ABCB1: variants seen among roughly 807,000 people sequenced by gnomAD.
ABCB1 encodes the protein ATP-dependent translocase ABCB1.
A neutral mutation model predicts 142.0 loss-of-function variants in ABCB1; 69 were observed. The observed-to-expected ratio is 0.49, with a 90% confidence interval of 0.40 to 0.59. The LOEUF is 0.59. ABCB1 is among the 20% of genes least tolerant of loss of function. ABCB1 has a pLI of 0.00. For missense variants in ABCB1, 1,326 were observed against 1,554.7 expected (o/e 0.85, Z 2.47); for synonymous variants, 532 against 539.2 (o/e 0.99, Z 0.18).
intron 25 of ABCB1, among the ~76,000 whole-genome samples, chr7:87,512,947 AC>A (rs1815082348): frequency 6.6e-6 from 1 of 152,214 alleles, no homozygotes; most frequent in South Asian, 2.1e-4. Flanking sequence ...ACATCAAGGG[AC>A]TAGAAGGCTA....
intron 25 of ABCB1, among the ~76,000 whole-genome samples, chr7:87,514,299 C>T (rs1304106916): frequency 6.6e-6 from 1 of 152,160 alleles, no homozygotes; most frequent in Non-Finnish European, 1.5e-5. Flanking sequence ...AATATCACTT[C>T]TCAGTACAAC....
rs145987033 is a variant in ABCB1, at chr7:87,542,387, T to C, written c.2212-923A>G. Among the ~76,000 whole-genome samples the C allele has an allele frequency of 2.5e-3, 388 of 152,258 alleles. 1 individual carries two copies. The highest frequency in any genetic ancestry group is 8.9e-3 in the African/African-American group (369 of 41,534). On this transcript the variant is annotated intron_variant, in intron 17 of 27. Transcript: ENST00000622132. ...TATTATCATCACGGTTTTACACAGA[T>C]AGAAACTGAAGTACAGAGAAGGTAA...
intron 21 of ABCB1, among the ~76,000 whole-genome samples, chr7:87,527,714 T>G (rs1183334801): frequency 6.6e-6 from 1 of 152,190 alleles, no homozygotes; most frequent in African/African-American, 2.4e-5. Context: ...ACTGGAGAGA[T>G]GAACTGCTCC....
intron 4 of ABCB1, among the ~76,000 whole-genome samples, chr7:87,576,816 G>A (rs1818291478): frequency 6.6e-6 from 1 of 151,916 alleles, no homozygotes; most frequent in African/African-American, 2.4e-5. Context: ...CAGGGTGTAT[G>A]AGATATTTTG....
chr7:87,558,857 G>A (rs1228229623), intron 8 of ABCB1, among the ~76,000 whole-genome samples: 1 of 151,602 alleles, frequency 6.6e-6, no homozygotes, highest in East Asian at 1.9e-4. Flanking sequence ...CTATTAATAT[G>A]GTTAATTATA....
At chr7:87,529,792 G>A (rs1311672280) in intron 21 of ABCB1, among the ~76,000 whole-genome samples, 2 of 152,088 alleles carry the variant, frequency 1.3e-5, no homozygotes, top group South Asian at 2.1e-4. Context: ...AACACCATGG[G>A]GGAGACCCCC....
chr7:87,543,991 A>G (rs1816657977), intron 17 of ABCB1, 138 bp downstream of exon 17: 7 of 1,044,634 alleles, frequency 6.7e-6, no homozygotes, highest in Middle Eastern at 4.8e-4. Flanking sequence ...CTATTCTTAC[A>G]TCTTCAAGCC....
intron 1 of ABCB1, among the ~76,000 whole-genome samples, chr7:87,697,730 T>C (rs529739084): frequency 6.6e-6 from 1 of 152,318 alleles, no homozygotes; most frequent in Non-Finnish European, 1.5e-5. Context: ...ACATACATGA[T>C]CACATCTAAT....
intron 1 of ABCB1, among the ~76,000 whole-genome samples, chr7:87,700,106 C>T (rs763578851): frequency 6.6e-6 from 1 of 151,762 alleles, no homozygotes; most frequent in African/African-American, 2.4e-5. Flanking sequence ...GCTATTTAAG[C>T]GACTGTATTA....
chr7:87,581,768 TTTC>T (rs1183714500), intron 4 of ABCB1, among the ~76,000 whole-genome samples: 1 of 152,210 alleles, frequency 6.6e-6, no homozygotes, highest in East Asian at 1.9e-4. Flanking sequence ...ACCCCCAGGC[TTTC>T]AAGAGCCTCC....
chr7:87,664,695 G>C (rs767083804), intron 1 of ABCB1, among the ~76,000 whole-genome samples: 4 of 152,064 alleles, frequency 2.6e-5, no homozygotes, highest in Non-Finnish European at 5.9e-5. Context: ...CAATAGAAAT[G>C]ATCCAATCTG....
chr7:87,564,157 A>G (rs1276692933), intron 7 of ABCB1: 1 of 452,342 alleles, frequency 2.2e-6, no homozygotes, highest in Non-Finnish European at 4.4e-6. Context: ...ACACCCCTGA[A>G]CTTAAAATAA....
At chr7:87,700,900 G>A (rs755884790) in intron 1 of ABCB1, among the ~76,000 whole-genome samples, 1 of 152,154 alleles carries the variant, frequency 6.6e-6, no homozygotes, top group Non-Finnish European at 1.5e-5. Context: ...ACCTTAGCAC[G>A]AATTAATGCA....
intron 21 of ABCB1, among the ~76,000 whole-genome samples, chr7:87,529,595 G>A (rs141016239): frequency 6.6e-6 from 1 of 152,294 alleles, no homozygotes; most frequent in African/African-American, 2.4e-5. Flanking sequence ...CACTTCAAAG[G>A]TGCTAACCTG....
chr7:87,686,952 A>T (rs1827525821), intron 1 of ABCB1, among the ~76,000 whole-genome samples: 1 of 139,706 alleles, frequency 7.2e-6, no homozygotes, highest in Non-Finnish European at 1.5e-5. Flanking sequence ...TCTCCAAAAG[A>T]AAAAAAAAAA....
chr7:87,549,124 C>T (rs1816934629), intron 14 of ABCB1, among the ~76,000 whole-genome samples: 1 of 152,034 alleles, frequency 6.6e-6, no homozygotes, highest in African/African-American at 2.4e-5. Context: ...AAAATGTATT[C>T]ATCAACATTT....
chr7:87,576,926 C>T (rs1440024481), intron 4 of ABCB1, among the ~76,000 whole-genome samples: 1 of 151,974 alleles, frequency 6.6e-6, no homozygotes, highest in Non-Finnish European at 1.5e-5. Flanking sequence ...TCCAGTTATA[C>T]CCTTTTAGTT....
At chr7:87,712,590 T>C (rs917354177) in intron 1 of ABCB1, among the ~76,000 whole-genome samples, 3 of 152,082 alleles carry the variant, frequency 2.0e-5, no homozygotes, top group Non-Finnish European at 1.5e-5. Flanking sequence ...TTAGTTTAAA[T>C]GATTGGGTGG....
chr7:87,641,157 A>G (rs752338773), intron 1 of ABCB1, among the ~76,000 whole-genome samples: 2 of 152,204 alleles, frequency 1.3e-5, no homozygotes, highest in African/African-American at 2.4e-5. Context: ...TTTTAGTACT[A>G]TCATGTTTAC....
Sources: allele counts gnomAD v4.1 joint callset (sites outside exome capture counted in the v4.1 genomes callset), GRCh38; gene constraint gnomAD v4.1.1; transcripts MANE v1.5; gene names NCBI Gene and HGNC (gene_info 2026-07-23, HGNC 2026-07-21).